Variants in SLC16A7 observed in about 807,000 individuals in gnomAD.
The protein encoded by SLC16A7 is monocarboxylate transporter 2.
SLC16A7 carries 33 observed loss-of-function variants against 34.9 expected under a neutral mutation model. The observed-to-expected ratio is 0.94, with a 90% CI of 0.72 to 1.26. The LOEUF (loss-of-function observed/expected upper bound fraction) is 1.26, where lower values mean the gene tolerates loss of function less well. SLC16A7 is among the 50% of genes most tolerant of loss of function. The pLI is 0.00. For synonymous variants in SLC16A7, 201 were observed against 206.6 expected (o/e 0.97, Z 0.23); for missense variants, 573 against 578.1 (o/e 0.99, Z 0.09).
At chr12:59,746,504 G>A (rs886700611) in intron 3 of SLC16A7, among the ~76,000 whole-genome samples, 1 of 152,290 alleles carries the variant, frequency 6.6e-6, no homozygotes, top group Non-Finnish European at 1.5e-5. Context: ...GGTAGTCAAA[G>A]TCTAAAGAAA....
rs559632198 is a variant in SLC16A7 at position 59,634,920 on chromosome 12, G to A, written c.-129-20232G>A. Among the ~76,000 whole-genome samples the A allele has an allele frequency of 5.3e-5, 8 of 152,106 alleles. No individual in the cohort carries two copies. In the East Asian group the frequency reaches 1.4e-3, roughly 26 times the overall value. ...AAAGGATGGAAGGGTAGAATGCAAG[G>A]AAATGTTGTTTCTTGCCTGTTATGG... is the stretch of plus-strand genomic sequence containing the variant. On this transcript the variant is annotated intron_variant, in intron 1 of 5. Transcript: ENST00000547379.
Position 59,768,719 on chromosome 12 carries a change from A to G in SLC16A7, c.218-2500A>G, listed in dbSNP as rs183399322. ...GTCTTATTTTAAGCAATTGCCAGCC[A>G]GGTGCAATGGCTCACACTTATAATC... On this transcript the variant is annotated intron_variant, in intron 3 of 5. Transcript: ENST00000547379. Among the ~76,000 whole-genome samples, 6 of 152,264 alleles carry G rather than the reference A, an allele frequency of 3.9e-5. No homozygotes were observed. The East Asian group carries it at 1.2e-3, about 29-fold the overall frequency.
In SLC16A7 at chr12:59,629,477, G is replaced by A. The variant is rs552315365; in HGVS notation, c.-129-25675G>A. Among the ~76,000 whole-genome samples, 23 of 151,948 alleles carry A rather than the reference G, an allele frequency of 1.5e-4. No individual in the cohort carries two copies. In the South Asian group the frequency reaches 2.7e-3, roughly 18 times the overall value. The stretch of plus-strand genomic sequence containing the variant: ...TTGTTTAGCTATTATGTTATAACCA[G>A]TATCCATATATACATGTTGTACATT... On this transcript the variant is annotated intron_variant, in intron 1 of 5. Coordinates refer to ENST00000547379, the MANE Select transcript of SLC16A7 (RefSeq NM_001270623.2).
At chr12:59,691,745 T>G (rs1871677658) in intron 2 of SLC16A7, among the ~76,000 whole-genome samples, 2 of 152,066 alleles carry the variant, frequency 1.3e-5, no homozygotes, top group African/African-American at 4.8e-5. Flanking sequence ...ATCTGCCTAT[T>G]CATTTTATAG....
chr12:59,619,852 T>G (rs1879618657), intron 1 of SLC16A7, among the ~76,000 whole-genome samples: 1 of 152,060 alleles, frequency 6.6e-6, no homozygotes, highest in African/African-American at 2.4e-5. Flanking sequence ...CTTAAACACT[T>G]TACATGTGTC....
rs188226900 is a variant in SLC16A7, at chr12:59,638,442, A to G, written c.-129-16710A>G. ...TAATCCTATTTTAGAAATGAAGAAA[A>G]TTTGATTTTTAGAGCTTAACTAAAT... is the stretch of plus-strand genomic sequence containing the variant. On this transcript the variant is annotated intron_variant, in intron 1 of 5. Transcript: ENST00000547379. Among the ~76,000 whole-genome samples, 946 of 152,250 alleles carry G rather than the reference A, an allele frequency of 6.2e-3. 6 individuals carry two copies. The highest frequency in any genetic ancestry group is 8.9e-3 in the Non-Finnish European group (602 of 67,996).
chr12:59,685,294 A>G (rs1795907), intron 2 of SLC16A7, among the ~76,000 whole-genome samples: 30,268 of 151,958 alleles, frequency 0.2, 3,144 homozygotes, highest in African/African-American at 0.27. Flanking sequence ...TTGAAGTTGT[A>G]AATTCTGTGA....
chr12:59,700,661 A>C (rs951256879), intron 2 of SLC16A7, among the ~76,000 whole-genome samples: 3 of 151,524 alleles, frequency 2.0e-5, no homozygotes, highest in Non-Finnish European at 3.0e-5. Context: ...CATATATGGT[A>C]AAAGTATAAA....
At chr12:59,609,930 ATACAGT>A (rs1170735343) in intron 1 of SLC16A7, among the ~76,000 whole-genome samples, 12 of 152,190 alleles carry the variant, frequency 7.9e-5, no homozygotes, top group Non-Finnish European at 1.5e-5. Flanking sequence ...TGTGCCAAAC[ATACAGT>A]TACAGAGTTT....
At chr12:59,660,164 CT>C (rs1403528316) in intron 2 of SLC16A7, among the ~76,000 whole-genome samples, 1 of 151,536 alleles carries the variant, frequency 6.6e-6, no homozygotes, top group Admixed American at 6.6e-5. Flanking sequence ...TTAAAAAACT[CT>C]TTTTTTAAAA....
intron 2 of SLC16A7, among the ~76,000 whole-genome samples, 197 bp downstream of exon 2, chr12:59,655,447 T>C (rs774082813): frequency 2.6e-5 from 4 of 151,892 alleles, no homozygotes; most frequent in African/African-American, 4.8e-5. Flanking sequence ...TACTGTGTGA[T>C]CTTGGTCAAG....
intron 3 of SLC16A7, among the ~76,000 whole-genome samples, chr12:59,764,373 G>A (rs536004851): frequency 3.9e-4 from 59 of 152,196 alleles, no homozygotes; most frequent in African/African-American, 1.3e-3. Context: ...GAGTACATGT[G>A]CACAACGTGC....
intron 1 of SLC16A7, among the ~76,000 whole-genome samples, chr12:59,640,231 T>C (rs1880617871): frequency 6.6e-6 from 1 of 152,080 alleles, no homozygotes; most frequent in Non-Finnish European, 1.5e-5. Flanking sequence ...GGAATGTTGC[T>C]AGAAACAAAG....
At chr12:59,722,023 A>G (rs1054865938) in intron 3 of SLC16A7, among the ~76,000 whole-genome samples, 2 of 151,876 alleles carry the variant, frequency 1.3e-5, no homozygotes, top group African/African-American at 2.4e-5. Context: ...ACTGTAGCTC[A>G]TATTTATAGG....
intron 3 of SLC16A7, among the ~76,000 whole-genome samples, chr12:59,716,221 T>G (rs1380028145): frequency 5.9e-5 from 9 of 152,178 alleles, no homozygotes; most frequent in Non-Finnish European, 1.3e-4. Flanking sequence ...TGGCCTTGCA[T>G]CTCATGCAGT....
chr12:59,698,381 T>C (rs552157464), intron 2 of SLC16A7, among the ~76,000 whole-genome samples: 57 of 151,876 alleles, frequency 3.8e-4, no homozygotes, highest in African/African-American at 1.3e-3. Context: ...TGAATATACA[T>C]ATATACAGGT....
chr12:59,761,719 T>C (rs1446012902), intron 3 of SLC16A7, among the ~76,000 whole-genome samples: 1 of 152,044 alleles, frequency 6.6e-6, no homozygotes, highest in East Asian at 1.9e-4. Context: ...CAGGAGTAAA[T>C]GGCTGAGGCC....
At position 59,784,291 on chromosome 12, in the gene SLC16A7, A is replaced by C. The variant is rs1034895300; in HGVS notation, c.*4612A>C. 2 of 152,122 alleles carry C rather than the reference A, an allele frequency of 1.3e-5. No individual in the cohort carries two copies. Among genetic ancestry groups the C allele is most frequent in the East Asian group, 1.9e-4 (1 of 5,178 alleles). 9.4% of individuals were successfully genotyped at this position (152,122 alleles called of 1,614,324 possible). A position where few individuals can be genotyped will look rare whatever the true frequency, so the allele number is the denominator to read the frequency against. On this transcript the variant is annotated 3_prime_UTR_variant, in exon 6 of 6. Transcript: ENST00000547379. ...GAGGCTGAGACGAGAGGGTCATTTG[A>C]GCCCAGGAAGTTGAGGCTTCAGTGA... is the stretch of plus-strand genomic sequence containing the variant.
At chr12:59,681,890 A>C (rs116270350) in intron 2 of SLC16A7, among the ~76,000 whole-genome samples, 1 of 151,976 alleles carries the variant, frequency 6.6e-6, no homozygotes, top group Non-Finnish European at 1.5e-5. Context: ...GAATAGGTCT[A>C]TTTCTATCAC....
Sources: allele counts gnomAD v4.1 joint callset (sites outside exome capture counted in the v4.1 genomes callset), GRCh38; gene constraint gnomAD v4.1.1; transcripts MANE v1.5; gene names NCBI Gene and HGNC (gene_info 2026-07-23, HGNC 2026-07-21).